TOMM70: variants seen among roughly 807,000 people sequenced by gnomAD.
The protein encoded by TOMM70 is translocase of outer mitochondrial membrane 70.
Under a neutral mutation model 73.6 loss-of-function variants are expected in TOMM70, and 13 were observed. That is an observed-to-expected ratio of 0.18 (90% CI 0.11 to 0.28). The LOEUF (loss-of-function observed/expected upper bound fraction) is 0.28. TOMM70 is among the 10% of genes least tolerant of loss of function. TOMM70 has a pLI of 1.00. For synonymous variants in TOMM70, 257 were observed against 271.2 expected (o/e 0.95, Z 0.51); for missense variants, 609 against 747.5 (o/e 0.81, Z 2.16).
chr3:100,376,158 T>C (rs1306761292), intron 6 of TOMM70, among the ~76,000 whole-genome samples: 1 of 152,176 alleles, frequency 6.6e-6, no homozygotes, highest in Non-Finnish European at 1.5e-5. Flanking sequence ...CCAACAATCT[T>C]GTCATTTATT....
In TOMM70 at chr3:100,400,815, G is replaced by C. The variant is rs1164947955; in HGVS notation, c.135C>G (p.Val45=). The change falls in exon 1 of 12, where the codon GTC becomes GTG. Residue 45 remains valine, a synonymous_variant. Coordinates refer to ENST00000284320, the MANE Select transcript of TOMM70 (RefSeq NM_014820.5). ...GLPRWQLALA[V]GAPLLLGAGA... The stretch of plus-strand genomic sequence containing the variant: ...CCGCGCCCAGCAGCAGGGGTGCCCC[G>C]ACCGCCAGAGCCAGCTGCCATCGCG... The C allele has an allele frequency of 3.9e-6, 6 of 1,526,826 alleles. No individual in the cohort carries two copies. Among genetic ancestry groups the C allele is most frequent in the Non-Finnish European group, 4.4e-6 (5 of 1,145,060 alleles). 94.6% of individuals were successfully genotyped at this position (1,526,826 alleles called of 1,614,324 possible).
At chr3:100,368,194 G>T in intron 10 of TOMM70, 28 bp from the exon 11 acceptor site, 1 of 1,605,822 alleles carries the variant, frequency 6.2e-7, no homozygotes, top group South Asian at 1.1e-5. Context: ...TGTCAGATGT[G>T]ACCATGGCCC....
intron 1 of TOMM70, among the ~76,000 whole-genome samples, chr3:100,393,256 C>T (rs548843325): frequency 2.0e-5 from 3 of 151,306 alleles, no homozygotes; most frequent in Non-Finnish European, 2.9e-5. Context: ...TGGAATACTA[C>T]TCGGCCATTA....
chr3:100,368,066 T>C lies in TOMM70; in HGVS notation c.1651A>G (p.Met551Val), dbSNP rs777297001. The change falls in exon 11 of 12, where the codon ATG becomes GTG. Residue 551 changes from methionine (M) to valine (V), a missense_variant. By Grantham distance (21) the Met-to-Val change is conservative. Around this residue, in one of 2 missense-constraint regions of TOMM70, gnomAD observed 432 missense variants for 584.1 expected, o/e 0.74. Coordinates refer to ENST00000284320, the MANE Select transcript of TOMM70 (RefSeq NM_014820.5). ...TACCTTTGTACTTCAATAGTTCCCA[T>C]GGTTTCATAGGCAAAATCACATTTA... ...DNKCDFAYETMGTIEVQRGNM... is the reference protein window; with the variant it reads ...DNKCDFAYETVGTIEVQRGNM... 5 of 1,613,804 alleles carry C rather than the reference T, an allele frequency of 3.1e-6. No homozygotes were observed. The highest frequency in any genetic ancestry group is 3.4e-6 in the Non-Finnish European group (4 of 1,179,920).
At position 100,386,417 on chromosome 3, in the gene TOMM70, T is replaced by C. The variant is rs2148892822; in HGVS notation, c.499-73A>G. 6 of 1,422,954 alleles carry C rather than the reference T, an allele frequency of 4.2e-6. No homozygotes were observed. In the South Asian group the frequency reaches 4.6e-5, roughly 11 times the overall value. The allele number at this position is 1,422,954 out of a possible 1,614,324, so 88.1% of individuals were successfully genotyped here. On this transcript the variant is annotated intron_variant, in intron 2 of 11. Transcript: ENST00000284320. ...TCAATAGAAATCAGTTTAAACTTGA[T>C]AGGTTGAGTATTAAAAGTCCTAGAA...
chr3:100,365,981 C>T (rs1174172788), intron 11 of TOMM70, among the ~76,000 whole-genome samples: 1 of 152,242 alleles, frequency 6.6e-6, no homozygotes, highest in Non-Finnish European at 1.5e-5. Flanking sequence ...TATGTGCTTA[C>T]ATTATATCCC....
At chr3:100,385,691 T>G (rs1706682516) in intron 3 of TOMM70, among the ~76,000 whole-genome samples, 1 of 152,214 alleles carries the variant, frequency 6.6e-6, no homozygotes, top group Non-Finnish European at 1.5e-5. Flanking sequence ...ACTTTGATGC[T>G]TTGTACCAAT....
At chr3:100,366,362 T>G (rs1706447451) in intron 11 of TOMM70, among the ~76,000 whole-genome samples, 1 of 152,196 alleles carries the variant, frequency 6.6e-6, no homozygotes, top group African/African-American at 2.4e-5. Context: ...TAACTAGTAT[T>G]AGCTACATAT....
chr3:100,369,449 G>A (rs931283857), intron 9 of TOMM70, among the ~76,000 whole-genome samples: 1 of 151,194 alleles, frequency 6.6e-6, no homozygotes, highest in African/African-American at 2.4e-5. Context: ...ATTCTCATAG[G>A]TACAGTCACA....
At chr3:100,367,608 G>A (rs1404693972) in intron 11 of TOMM70, among the ~76,000 whole-genome samples, 1 of 152,130 alleles carries the variant, frequency 6.6e-6, no homozygotes, top group Non-Finnish European at 1.5e-5. Context: ...CCTAAAGTAG[G>A]AAACTCAAAT....
chr3:100,394,346 T>A (rs1043044851), intron 1 of TOMM70, among the ~76,000 whole-genome samples: 2 of 151,572 alleles, frequency 1.3e-5, no homozygotes, highest in African/African-American at 2.4e-5. Context: ...CAATACTTAT[T>A]GACCAACTGT....
In TOMM70 at chr3:100,386,198, A is replaced by G. The variant is rs756646786; in HGVS notation, c.625+20T>C. 67 of 1,597,276 alleles carry G rather than the reference A, an allele frequency of 4.2e-5. No individual in the cohort carries two copies. The highest frequency in any genetic ancestry group is 5.4e-5 in the Non-Finnish European group (63 of 1,171,558). On this transcript the variant is annotated intron_variant, in intron 3 of 11. Transcript: ENST00000284320. ...AAAATATTAAGTAATTTTCATATGT[A>G]AACACAAAATTACCCTCACCTTCTA...
At chr3:100,379,583 G>T (rs1419821734) in intron 5 of TOMM70, among the ~76,000 whole-genome samples, 1 of 152,096 alleles carries the variant, frequency 6.6e-6, no homozygotes, top group Non-Finnish European at 1.5e-5. Context: ...AGCTATGATC[G>T]CAACACTCTA....
intron 6 of TOMM70, among the ~76,000 whole-genome samples, chr3:100,375,532 A>G (rs1444075264): frequency 6.6e-6 from 1 of 152,122 alleles, no homozygotes; most frequent in African/African-American, 2.4e-5. Flanking sequence ...GATTTAGCAT[A>G]ATGTTTTCAA....
At chr3:100,372,426 G>A (rs1419181401) in intron 9 of TOMM70, 180 bp downstream of exon 9, 2 of 455,918 alleles carry the variant, frequency 4.4e-6, no homozygotes, top group African/African-American at 4.0e-5. Flanking sequence ...TCCAAATTGT[G>A]TAACAAAGGA....
intron 9 of TOMM70, among the ~76,000 whole-genome samples, chr3:100,371,222 AAGAATGGTT>A (rs1706505938): frequency 6.6e-6 from 1 of 151,742 alleles, no homozygotes; most frequent in Non-Finnish European, 1.5e-5. Context: ...AAGCATCCTT[AAGAATGGTT>A]TAAGGAGAGG....
rs1706634940 is a variant in TOMM70 at position 100,381,599 on chromosome 3, T to C, written c.884+16A>G. ...CCAAAACACCACTAAGTAGACACTA[T>C]GCTTGACATACTTACTTTTCTTTCA... On this transcript the variant is annotated intron_variant, in intron 5 of 11. Coordinates refer to ENST00000284320, the MANE Select transcript of TOMM70 (RefSeq NM_014820.5). The C allele has an allele frequency of 5.0e-6, 8 of 1,610,968 alleles. No homozygotes were observed. Among genetic ancestry groups the C allele is most frequent in the Non-Finnish European group, 6.8e-6 (8 of 1,178,204 alleles).
intron 5 of TOMM70, among the ~76,000 whole-genome samples, chr3:100,381,241 A>T (rs1416540618): frequency 1.3e-5 from 2 of 152,134 alleles, no homozygotes; most frequent in Non-Finnish European, 2.9e-5. Context: ...TTTATAAATT[A>T]AAAACTTCCC....
At chr3:100,398,618 C>G (rs939605901) in intron 1 of TOMM70, among the ~76,000 whole-genome samples, 1 of 152,064 alleles carries the variant, frequency 6.6e-6, no homozygotes, top group African/African-American at 2.4e-5. Context: ...TTAATAGCAG[C>G]AGTGAGCTAT....
Sources: allele counts gnomAD v4.1 joint callset (sites outside exome capture counted in the v4.1 genomes callset), GRCh38; gene constraint gnomAD v4.1.1; regional missense constraint gnomAD v4.1.1; transcripts MANE v1.5; gene names NCBI Gene and HGNC (gene_info 2026-07-23, HGNC 2026-07-21).